Variants in KIAA1217 observed in about 807,000 individuals in gnomAD.
KIAA1217 encodes sickle tail protein homolog.
KIAA1217 carries 88 observed loss-of-function variants against 163.9 expected under a neutral mutation model. The observed-to-expected ratio is 0.54, with a 90% CI of 0.45 to 0.64. The LOEUF (loss-of-function observed/expected upper bound fraction) is 0.64, where lower values mean the gene tolerates loss of function less well. KIAA1217 is among the 30% of genes least tolerant of loss of function. KIAA1217 has a pLI of 0.00. For synonymous variants in KIAA1217, 903 were observed against 923.1 expected, an observed-to-expected ratio of 0.98 and a Z score of 0.39; for missense variants, 2,372 against 2,475.0, an observed-to-expected ratio of 0.96 and a Z score of 0.88.
chr10:23,952,090 T>C lies in KIAA1217; in HGVS notation c.-320-55135T>C, dbSNP rs572299149. On this transcript the variant is annotated intron_variant, in intron 1 of 18. Coordinates refer to the KIAA1217 transcript ENST00000376462. ...AACGGCTTACATATGGGGATTATCA[T>C]TGAGAATCATTACTTAACAATTTGC... Among the ~76,000 whole-genome samples the C allele has an allele frequency of 4.6e-5, 7 of 152,314 alleles. No individual in the cohort carries two copies. In the East Asian group the frequency reaches 1.4e-3, roughly 29 times the overall value.
chr10:23,993,553 CT>C (rs200437343), intron 1 of KIAA1217, among the ~76,000 whole-genome samples: 1,097 of 68,920 alleles, frequency 0.016, 32 homozygotes, highest in Middle Eastern at 0.067. Context: ...CATAGCCCAG[CT>C]TTTTTTTTTT....
intron 2 of KIAA1217, among the ~76,000 whole-genome samples, chr10:24,130,208 C>T (rs935396043): frequency 1.2e-4 from 18 of 152,256 alleles, no homozygotes; most frequent in Middle Eastern, 3.4e-3. Flanking sequence ...CACTCTGTCT[C>T]CCAGGCTGGA....
intron 2 of KIAA1217, among the ~76,000 whole-genome samples, chr10:24,083,917 G>A (rs930327085): frequency 1.4e-4 from 21 of 152,162 alleles, no homozygotes; most frequent in Admixed American, 5.2e-4. Context: ...AGGGCCTGTC[G>A]CATTTCAGGC....
At chr10:24,001,041 T>TTGCA (rs779916218) in intron 1 of KIAA1217, among the ~76,000 whole-genome samples, 5 of 151,860 alleles carry the variant, frequency 3.3e-5, no homozygotes, top group Admixed American at 6.6e-5. Context: ...AATAAAGATA[T>TTGCA]TGCAGAATAG....
chr10:24,005,195 T>C lies in KIAA1217; in HGVS notation c.-320-2030T>C, dbSNP rs148360468. Reference sequence around the variant, plus strand: ...AGTGTTGGCTTATTCATTTGCAGGATTGGGCTAACAATGCCTAGCTGGCAG... The same window carrying C: ...AGTGTTGGCTTATTCATTTGCAGGACTGGGCTAACAATGCCTAGCTGGCAG... On this transcript the variant is annotated intron_variant, in intron 1 of 18. Transcript: ENST00000376462. Among the ~76,000 whole-genome samples, 509 of 152,302 alleles carry C rather than the reference T, an allele frequency of 3.3e-3. 1 individual carries two copies. Among genetic ancestry groups the C allele is most frequent in the Non-Finnish European group, 5.7e-3 (385 of 68,028 alleles).
chr10:24,038,968 T>A (rs1848511299), intron 2 of KIAA1217, among the ~76,000 whole-genome samples: 4 of 152,190 alleles, frequency 2.6e-5, no homozygotes, highest in Middle Eastern at 6.8e-3. Context: ...GGTCTCGAAC[T>A]CCTAACCTCA....
At chr10:24,105,877 G>A (rs528842045) in intron 2 of KIAA1217, among the ~76,000 whole-genome samples, 1 of 152,186 alleles carries the variant, frequency 6.6e-6, no homozygotes, top group South Asian at 2.1e-4. Context: ...TGGAGCCTTG[G>A]GGGAGGAAAG....
At chr10:23,745,957 C>G (rs1310912714) in intron 1 of KIAA1217, among the ~76,000 whole-genome samples, 1 of 152,190 alleles carries the variant, frequency 6.6e-6, no homozygotes, top group Non-Finnish European at 1.5e-5. Flanking sequence ...ATGCCCTTTA[C>G]AAACACCACT....
At chr10:24,191,552 AAT>A (rs59779872) in intron 2 of KIAA1217, among the ~76,000 whole-genome samples, 5,267 of 147,644 alleles carry the variant, frequency 0.036, 143 homozygotes, top group Middle Eastern at 0.073. Flanking sequence ...TGTACCCACA[AAT>A]ATATATATAT....
intron 1 of KIAA1217, among the ~76,000 whole-genome samples, chr10:23,735,163 A>G (rs994397892): frequency 6.6e-6 from 1 of 152,210 alleles, no homozygotes; most frequent in African/African-American, 2.4e-5. Context: ...GTTCCTGGGA[A>G]TAGAATTACT....
rs1237187277 is a variant in KIAA1217 at position 24,367,874 on chromosome 10, C to CA, written c.355-12993dup. ...GCACAGAGAAGTTAAGTAACTTGCC[C>CA]AAGGTCACACAGCTAGGTAATGGTT... On this transcript the variant is annotated intron_variant, in intron 2 of 20. Transcript: ENST00000376454. 1.4e-4 allele frequency among the ~76,000 whole-genome samples: 21 copies of CA among 152,302 alleles called. 1 individual carries two copies. In the East Asian group the frequency reaches 3.7e-3, roughly 27 times the overall value.
At chr10:23,824,662 T>TAA (rs1837812065) in intron 1 of KIAA1217, among the ~76,000 whole-genome samples, 1 of 120,876 alleles carries the variant, frequency 8.3e-6, no homozygotes, top group Non-Finnish European at 1.7e-5. Flanking sequence ...AAAAAAAATA[T>TAA]ATATATATAT....
chr10:24,265,579 C>T (rs904408511), intron 2 of KIAA1217, among the ~76,000 whole-genome samples: 6 of 152,124 alleles, frequency 3.9e-5, no homozygotes, highest in African/African-American at 9.7e-5. Flanking sequence ...ATTGGGCAGC[C>T]GGCCATAGCT....
chr10:24,042,731 G>T (rs1468264779), intron 2 of KIAA1217, among the ~76,000 whole-genome samples: 1 of 152,142 alleles, frequency 6.6e-6, no homozygotes, highest in Non-Finnish European at 1.5e-5. Context: ...AAGAAATGCT[G>T]ATTGTTTTCA....
At chr10:24,467,514 G>A (rs1477544484) in intron 5 of KIAA1217, among the ~76,000 whole-genome samples, 2 of 152,206 alleles carry the variant, frequency 1.3e-5, no homozygotes, top group African/African-American at 2.4e-5. Flanking sequence ...GGGCTTAGGT[G>A]CAGGCAAATA....
At chr10:24,294,065 G>T (rs1208409145) in intron 2 of KIAA1217, among the ~76,000 whole-genome samples, 2 of 151,812 alleles carry the variant, frequency 1.3e-5, no homozygotes, top group Non-Finnish European at 2.9e-5. Flanking sequence ...GGTGGCAGGC[G>T]CCTGTAGTCC....
At position 24,396,269 on chromosome 10, in the gene KIAA1217, G is replaced by A. The variant is rs376461560; in HGVS notation, c.553+15202G>A. Reference sequence around the variant, plus strand: ...GGAGAATCACTTGAGCCCGGGAAGCGGAGGTTGCAGAGAGCAGAGATTGCG... The same window carrying A: ...GGAGAATCACTTGAGCCCGGGAAGCAGAGGTTGCAGAGAGCAGAGATTGCG... On this transcript the variant is annotated intron_variant, in intron 3 of 20. Transcript: ENST00000376454. Among the ~76,000 whole-genome samples the A allele has an allele frequency of 3.3e-5, 5 of 152,164 alleles. No homozygotes were observed. In the East Asian group the frequency reaches 5.8e-4, roughly 18 times the overall value.
chr10:23,794,940 C>T (rs1270791137), intron 1 of KIAA1217, among the ~76,000 whole-genome samples: 1 of 152,232 alleles, frequency 6.6e-6, no homozygotes, highest in Non-Finnish European at 1.5e-5. Flanking sequence ...TTTCGCCTGA[C>T]TCAGTTTCCA....
At chr10:24,319,862 T>G (rs540233504) in intron 2 of KIAA1217, among the ~76,000 whole-genome samples, 16 of 152,254 alleles carry the variant, frequency 1.1e-4, no homozygotes, top group Non-Finnish European at 2.4e-4. Context: ...TTGACATTTA[T>G]TGGAATTAAT....
Sources: gnomAD v4.1 joint callset for allele counts (sites outside exome capture counted in the v4.1 genomes callset) on GRCh38, gnomAD v4.1.1 for gene constraint, MANE v1.5 for transcripts, NCBI Gene and HGNC (gene_info 2026-07-23, HGNC 2026-07-21) for gene names.